Variants in ZSWIM4 observed in about 807,000 individuals in gnomAD.
ZSWIM4 encodes the protein zinc finger SWIM-type containing 4.
In ZSWIM4, 62 loss-of-function variants were observed where a neutral mutation model predicts 102.5. The observed-to-expected ratio is 0.60, with a 90% CI of 0.49 to 0.75. The LOEUF is 0.75. Among genes scored for constraint, ZSWIM4 ranks in the 30% least tolerant of loss-of-function variants. ZSWIM4 has a pLI of 0.00. For missense variants in ZSWIM4, 1,280 were observed against 1,529.6 expected (o/e 0.84, Z 2.72); for synonymous variants, 652 against 674.5 (o/e 0.97, Z 0.52).
In ZSWIM4 at chr19:13,823,424, C is replaced by A; in HGVS notation, c.2139C>A (p.Phe713Leu). 1 of 1,608,020 alleles carries A rather than the reference C, an allele frequency of 6.2e-7. No individual in the cohort carries two copies. The highest frequency in any genetic ancestry group is 1.3e-5 in the African/African-American group (1 of 74,864). The change falls in exon 11 of 14, where the codon TTC becomes TTA. Residue 713 changes from phenylalanine to leucine, a missense_variant. By Grantham distance (22) the Phe-to-Leu change is conservative. Transcript: ENST00000590508. The part of the protein sequence containing the change: ...SPLDSIMSNR[F>L]PRWFILGHLE... ...TGGACTCCATCATGAGCAACCGCTT[C>A]CCCCGCTGGTTCATCCTTGGCCACC...
rs1347487324 is a variant in ZSWIM4, at chr19:13,831,108, G to C, written c.*58G>C. ...CCTCGCCCCTGCGTCCCCCACCCTT[G>C]CTCTCCAATTAGGCCCACGTGGCAT... On this transcript the variant is annotated 3_prime_UTR_variant, in exon 14 of 14. Coordinates refer to ENST00000590508, the MANE Select transcript of ZSWIM4 (RefSeq NM_001367834.3). 6.6e-7 allele frequency: 1 copy of C among 1,506,024 alleles called. No homozygotes were observed. The highest frequency in any genetic ancestry group is 8.8e-7 in the Non-Finnish European group (1 of 1,135,206). 93.3% of individuals were successfully genotyped at this position (1,506,024 alleles called of 1,614,324 possible).
intron 1 of ZSWIM4, among the ~76,000 whole-genome samples, chr19:13,799,135 C>T (rs1318360802): frequency 1.3e-5 from 2 of 151,470 alleles, no homozygotes; most frequent in East Asian, 1.9e-4. Flanking sequence ...GCTGGAGTGC[C>T]GCTGGTGCAA....
In ZSWIM4 at chr19:13,825,505, G is replaced by A. The variant is rs1462288985; in HGVS notation, c.2216-45G>A. 6.3e-7 allele frequency: 1 copy of A among 1,596,746 alleles called. No individual in the cohort carries two copies. Among genetic ancestry groups the A allele is most frequent in the East Asian group, 2.2e-5 (1 of 44,600 alleles). ...GGTCGGGTGGTGGTCAGAGGCTGGTGCTGAGGTGTATCCGATGGTGTCCTC... is the reference window on the plus strand; with the variant it reads ...GGTCGGGTGGTGGTCAGAGGCTGGTACTGAGGTGTATCCGATGGTGTCCTC... On this transcript the variant is annotated intron_variant, in intron 11 of 13. Transcript: ENST00000590508. This position sits in a 1 kb window ranked among gnomAD's most constrained non-coding sequence, Gnocchi z 4.6.
chr19:13,816,381 T>C (rs1323201677), intron 7 of ZSWIM4, among the ~76,000 whole-genome samples: 2 of 152,054 alleles, frequency 1.3e-5, no homozygotes, highest in African/African-American at 2.4e-5. Context: ...CCCAACACTT[T>C]GGGAGGTGGA....
At chr19:13,803,411 G>A (rs1461922814) in intron 2 of ZSWIM4, among the ~76,000 whole-genome samples, 6 of 152,104 alleles carry the variant, frequency 3.9e-5, no homozygotes, top group African/African-American at 1.4e-4. Context: ...TGAAGCCCTG[G>A]CCATATTCAT....
At chr19:13,827,960 G>T (rs1314624758) in intron 12 of ZSWIM4, among the ~76,000 whole-genome samples, 2 of 152,152 alleles carry the variant, frequency 1.3e-5, no homozygotes, top group Middle Eastern at 3.2e-3. Context: ...TCCGGCATAG[G>T]ATCTATGAGG....
Position 13,830,178 on chromosome 19 carries a change from C to T in ZSWIM4, c.2462-13C>T, listed in dbSNP as rs747825725. 1 of 1,601,426 alleles carries T rather than the reference C, an allele frequency of 6.2e-7. No homozygotes were observed. The highest frequency in any genetic ancestry group is 1.1e-5 in the South Asian group (1 of 90,578). ...CCGCTCCTGACGGATTTCCCTCCCT[C>T]ACCTCCCACCAGGCCCGCAAGCCCT... On this transcript the variant is annotated splice_polypyrimidine_tract_variant and intron_variant, in intron 13 of 13. Coordinates refer to ENST00000590508, the MANE Select transcript of ZSWIM4 (RefSeq NM_001367834.3).
intron 2 of ZSWIM4, 30 bp from the exon 3 acceptor site, chr19:13,804,762 A>G (rs750612940): frequency 6.5e-7 from 1 of 1,538,036 alleles, no homozygotes; most frequent in Non-Finnish European, 8.8e-7. Flanking sequence ...CTGGGATGAC[A>G]CGGATGCGAC....
rs1461697587 is a variant in ZSWIM4, at chr19:13,814,754, C to T, written c.1420C>T (p.Leu474=). The T allele has an allele frequency of 7.8e-7, 1 of 1,288,184 alleles. No homozygotes were observed. Among genetic ancestry groups the T allele is most frequent in the Admixed American group, 2.3e-5 (1 of 43,496 alleles). The allele number at this position is 1,288,184 out of a possible 1,614,324, so 79.8% of individuals were successfully genotyped here. A position where few individuals can be genotyped will look rare whatever the true frequency, so the allele number is the denominator to read the frequency against. Residue 474 remains leucine, a synonymous_variant, in exon 7 of 14, where the codon CTG becomes TTG. Coordinates refer to ENST00000590508, the MANE Select transcript of ZSWIM4 (RefSeq NM_001367834.3). ...FPTACARVDT[L]RAHGYPRQAL... ...CACTGCCTGTGCCCGTGTGGACACC[C>T]TGCGTGCCCACGGATACCCCCGCCA...
At position 13,809,345 on chromosome 19, in the gene ZSWIM4, C is replaced by G. The variant is rs1173047955; in HGVS notation, c.1012+125C>G. ...CATTCGTTTGGCAAACATTTATGAG[C>G]GCCTCTAAAGTGCCAGGCATGGTAC... is the stretch of plus-strand genomic sequence containing the variant. On this transcript the variant is annotated intron_variant, in intron 5 of 13. Coordinates refer to ENST00000590508, the MANE Select transcript of ZSWIM4 (RefSeq NM_001367834.3). This position sits in a 1 kb window ranked among gnomAD's most constrained non-coding sequence, Gnocchi z 4.2. 1.5e-6 allele frequency: 2 copies of G among 1,336,078 alleles called. No individual in the cohort carries two copies. Among genetic ancestry groups the G allele is most frequent in the African/African-American group, 2.9e-5 (2 of 67,850 alleles). 82.8% of individuals were successfully genotyped at this position (1,336,078 alleles called of 1,614,324 possible). A position where few individuals can be genotyped will look rare whatever the true frequency, so the allele number is the denominator to read the frequency against.
Position 13,825,609 on chromosome 19 carries a change from G to A in ZSWIM4, c.2275G>A (p.Ala759Thr). ...GSIQQNIHSP[A>T]LLFKLAQDAC... ...CATCCAGCAGAACATCCACTCTCCG[G>A]CCCTGCTCTTTAAGCTGGCGCAGGA... Residue 759 changes from alanine to threonine, a missense_variant, in exon 12 of 14, where the codon GCC (alanine) becomes ACC (threonine). Transcript: ENST00000590508. This position sits in a 1 kb window ranked among gnomAD's most constrained non-coding sequence, Gnocchi z 4.6. The A allele has an allele frequency of 6.2e-7, 1 of 1,614,162 alleles. No individual in the cohort carries two copies. The highest frequency in any genetic ancestry group is 8.5e-7 in the Non-Finnish European group (1 of 1,180,030).
chr19:13,829,114 AAGAGAG>A (rs371477283), intron 13 of ZSWIM4, among the ~76,000 whole-genome samples: 1 of 148,196 alleles, frequency 6.7e-6, no homozygotes, highest in Non-Finnish European at 1.5e-5. Flanking sequence ...GGAAAAAAAA[AAGAGAG>A]AGAGAGAGAG....
At chr19:13,815,060 G>C (rs1466771619) in intron 7 of ZSWIM4, 195 bp downstream of exon 7, 2 of 225,662 alleles carry the variant, frequency 8.9e-6, no homozygotes, top group Non-Finnish European at 1.8e-5. Context: ...TACTCTGTAG[G>C]CTGAGGCAGG....
At chr19:13,805,486 G>A (rs1040712548) in intron 3 of ZSWIM4, among the ~76,000 whole-genome samples, 2 of 151,888 alleles carry the variant, frequency 1.3e-5, no homozygotes, top group East Asian at 1.9e-4. Flanking sequence ...AAGAGGGGGC[G>A]TGAAGGGAAT....
chr19:13,817,481 C>A, intron 8 of ZSWIM4, 128 bp downstream of exon 8: 1 of 1,291,362 alleles, frequency 7.7e-7, no homozygotes, highest in Admixed American at 2.5e-5. Flanking sequence ...CCCTTGGCTA[C>A]CTCCTCTGGC....
Position 13,817,861 on chromosome 19 carries a change from C to T in ZSWIM4, c.1809C>T (p.Tyr603=), listed in dbSNP as rs1975341381. 6.4e-7 allele frequency: 1 copy of T among 1,557,230 alleles called. No individual in the cohort carries two copies. Among genetic ancestry groups the T allele is most frequent in the Non-Finnish European group, 8.7e-7 (1 of 1,150,314 alleles). The change falls in exon 9 of 14, where the codon TAC becomes TAT. Residue 603 remains tyrosine (Y), a synonymous_variant. Transcript: ENST00000590508. Reference sequence around the variant, plus strand: ...AGCGGGCCCTGCCGGAGGGGCTGTACGCCCAGGACAAGGTGGTGCGCAACG... The same window carrying T: ...AGCGGGCCCTGCCGGAGGGGCTGTATGCCCAGGACAAGGTGGTGCGCAACG... ...GQQRALPEGL[Y]AQDKVVRNEE... is the part of the protein sequence containing the mutation.
intron 12 of ZSWIM4, among the ~76,000 whole-genome samples, chr19:13,827,066 C>G (rs139649880): frequency 0.026 from 3,988 of 152,032 alleles, 166 homozygotes; most frequent in African/African-American, 0.091. Context: ...GGGAGGATTG[C>G]TTGGGGCCAG....
At chr19:13,824,142 GGA>G (rs1191434283) in intron 11 of ZSWIM4, among the ~76,000 whole-genome samples, 1 of 151,810 alleles carries the variant, frequency 6.6e-6, no homozygotes, top group Admixed American at 6.6e-5. Context: ...GTGCCAGAGA[GGA>G]GAGAGAGAAG....
In ZSWIM4 at chr19:13,831,061, G is replaced by A; in HGVS notation, c.*11G>A. 2 of 1,556,822 alleles carry A rather than the reference G, an allele frequency of 1.3e-6. No homozygotes were observed. Among genetic ancestry groups the A allele is most frequent in the Non-Finnish European group, 8.7e-7 (1 of 1,155,220 alleles). On this transcript the variant is annotated 3_prime_UTR_variant, in exon 14 of 14. Transcript: ENST00000590508. ...GAGCGTTTTGGTTGAGGGACAGTGG[G>A]GTGCGTGGGAGTGGGGATCCCCCTC...
Sources: allele counts gnomAD v4.1 joint callset (sites outside exome capture counted in the v4.1 genomes callset), GRCh38; gene constraint gnomAD v4.1.1; non-coding constraint Gnocchi (gnomAD v3.1); transcripts MANE v1.5; gene names NCBI Gene and HGNC (gene_info 2026-07-23, HGNC 2026-07-21).